SGCZ: variants seen among roughly 807,000 people sequenced by gnomAD.
The protein encoded by SGCZ is zeta-sarcoglycan.
In SGCZ, 40 loss-of-function variants were observed where a neutral mutation model predicts 41.3. The observed-to-expected ratio is 0.97, with a 90% confidence interval of 0.75 to 1.26. The LOEUF (loss-of-function observed/expected upper bound fraction) is 1.26, where lower values mean the gene tolerates loss of function less well. Among genes scored for constraint, SGCZ ranks in the 50% most tolerant of loss-of-function variants. SGCZ has a pLI of 0.00. For missense variants in SGCZ, 552 were observed against 369.8 expected, an observed-to-expected ratio of 1.49 and a Z score of -4.04; for synonymous variants, 206 against 137.5, an observed-to-expected ratio of 1.50 and a Z score of -3.49.
intron 5 of SGCZ, among the ~76,000 whole-genome samples, chr8:14,131,035 C>G (rs966062585): frequency 2.6e-5 from 4 of 152,168 alleles, no homozygotes; most frequent in African/African-American, 9.7e-5. Context: ...CTGCACCTAA[C>G]CACGAATAGG....
At chr8:14,848,126 A>T (rs1293056571) in intron 1 of SGCZ, among the ~76,000 whole-genome samples, 2 of 152,158 alleles carry the variant, frequency 1.3e-5, no homozygotes, top group Non-Finnish European at 2.9e-5. Flanking sequence ...ATACAGTAGC[A>T]TAAAATTATA....
At chr8:15,236,543 G>A (rs1238700356) in intron 1 of SGCZ, among the ~76,000 whole-genome samples, 1 of 152,162 alleles carries the variant, frequency 6.6e-6, no homozygotes. Context: ...AAGGGTGGAG[G>A]ATTTCAATAA....
At chr8:14,330,997 C>T (rs1042425081) in intron 2 of SGCZ, among the ~76,000 whole-genome samples, 22 of 151,936 alleles carry the variant, frequency 1.4e-4, no homozygotes, top group Admixed American at 6.5e-4. Context: ...CAGTATTACA[C>T]ATTTCAAAAC....
intron 1 of SGCZ, among the ~76,000 whole-genome samples, chr8:15,041,209 C>A (rs74718900): frequency 6.6e-6 from 1 of 150,956 alleles, no homozygotes; most frequent in African/African-American, 2.4e-5. Flanking sequence ...CATGATCTGG[C>A]GCCATAAGAA....
At position 14,306,561 on chromosome 8, in the gene SGCZ, G is replaced by T. The variant is rs145396056; in HGVS notation, c.336+17542C>A. On this transcript the variant is annotated intron_variant, in intron 3 of 7. Coordinates refer to ENST00000382080, the MANE Select transcript of SGCZ (RefSeq NM_139167.4). ...CTACTTCCCTGGTTTAATTTTTGATGACCAAAAGAGGACCACCAACATGGC... is the reference window on the plus strand; with the variant it reads ...CTACTTCCCTGGTTTAATTTTTGATTACCAAAAGAGGACCACCAACATGGC... Among the ~76,000 whole-genome samples, 440 of 152,160 alleles carry T rather than the reference G, an allele frequency of 2.9e-3. 6 individuals carry two copies. Among genetic ancestry groups the T allele is most frequent in the African/African-American group, 0.01 (424 of 41,508 alleles).
chr8:15,211,191 A>G (rs919723720), intron 1 of SGCZ, among the ~76,000 whole-genome samples: 12 of 151,924 alleles, frequency 7.9e-5, no homozygotes, highest in African/African-American at 2.4e-4. Context: ...CAGAACCTAC[A>G]GATATCAACA....
At chr8:14,850,580 G>A (rs1043408909) in intron 1 of SGCZ, among the ~76,000 whole-genome samples, 3 of 152,144 alleles carry the variant, frequency 2.0e-5, no homozygotes. Flanking sequence ...CTACTTCATA[G>A]AATAGGAACT....
chr8:15,187,551 T>C (rs890792346), intron 1 of SGCZ, among the ~76,000 whole-genome samples: 1 of 152,050 alleles, frequency 6.6e-6, no homozygotes, highest in Non-Finnish European at 1.5e-5. Context: ...TTATTGTAAA[T>C]AGTATTTATG....
intron 6 of SGCZ, among the ~76,000 whole-genome samples, chr8:14,106,570 C>CTGT (rs951703024): frequency 2.0e-5 from 3 of 152,132 alleles, no homozygotes; most frequent in African/African-American, 7.2e-5. Context: ...AAAAAATTTA[C>CTGT]TGTTGTAAAG....
At chr8:14,968,851 A>T (rs1287964819) in intron 1 of SGCZ, among the ~76,000 whole-genome samples, 1 of 152,114 alleles carries the variant, frequency 6.6e-6, no homozygotes, top group East Asian at 1.9e-4. Flanking sequence ...TTTACATTTT[A>T]TGAAGGTTTG....
intron 2 of SGCZ, among the ~76,000 whole-genome samples, chr8:14,440,274 T>C (rs1800210954): frequency 6.6e-6 from 1 of 152,138 alleles, no homozygotes; most frequent in African/African-American, 2.4e-5. Flanking sequence ...AAAAATTAAG[T>C]GCTTCAACAA....
At chr8:14,913,903 T>A (rs930407867) in intron 1 of SGCZ, among the ~76,000 whole-genome samples, 1 of 151,996 alleles carries the variant, frequency 6.6e-6, no homozygotes, top group Admixed American at 6.6e-5. Flanking sequence ...AAAGCAAAAC[T>A]ATTTGTCAGA....
chr8:14,746,048 T>C (rs1799331389), intron 1 of SGCZ, among the ~76,000 whole-genome samples: 1 of 152,050 alleles, frequency 6.6e-6, no homozygotes, highest in South Asian at 2.1e-4. Context: ...AGTAAAAGAT[T>C]ATATATTTAG....
At chr8:14,789,056 C>T (rs1189005322) in intron 1 of SGCZ, among the ~76,000 whole-genome samples, 1 of 152,114 alleles carries the variant, frequency 6.6e-6, no homozygotes, top group Non-Finnish European at 1.5e-5. Context: ...ATTGGAATCA[C>T]AGCCAACAAC....
At chr8:14,759,120 A>C (rs888304074) in intron 1 of SGCZ, among the ~76,000 whole-genome samples, 3 of 152,202 alleles carry the variant, frequency 2.0e-5, no homozygotes, top group Admixed American at 2.0e-4. Context: ...ATATTTATAA[A>C]TACTGACAAC....
At chr8:14,966,593 T>A (rs1192526663) in intron 1 of SGCZ, among the ~76,000 whole-genome samples, 1 of 152,106 alleles carries the variant, frequency 6.6e-6, no homozygotes, top group Non-Finnish European at 1.5e-5. Flanking sequence ...TAATGCCATA[T>A]TTACTAATTT....
intron 1 of SGCZ, among the ~76,000 whole-genome samples, chr8:14,718,237 T>G (rs567472244): frequency 2.6e-5 from 4 of 151,980 alleles, no homozygotes; most frequent in African/African-American, 9.7e-5. Context: ...GAAAGTGAAT[T>G]TTTTAATGTT....
intron 1 of SGCZ, among the ~76,000 whole-genome samples, chr8:14,814,443 T>C (rs746417340): frequency 7.9e-5 from 12 of 152,078 alleles, no homozygotes; most frequent in Non-Finnish European, 1.6e-4. Context: ...AATAGCACTT[T>C]CCAGTATAAA....
At chr8:14,262,266 G>GATA (rs1259105570) in intron 3 of SGCZ, among the ~76,000 whole-genome samples, 3 of 152,126 alleles carry the variant, frequency 2.0e-5, no homozygotes, top group Non-Finnish European at 4.4e-5. Flanking sequence ...CTACAAAAGT[G>GATA]ATACACGTTT....
Sources: gnomAD v4.1 joint callset for allele counts (sites outside exome capture counted in the v4.1 genomes callset) on GRCh38, gnomAD v4.1.1 for gene constraint, MANE v1.5 for transcripts, NCBI Gene and HGNC (gene_info 2026-07-23, HGNC 2026-07-21) for gene names.